Variants in ATXN1 observed in about 807,000 individuals in gnomAD.
ATXN1 encodes the protein ataxin-1.
In ATXN1, 8 loss-of-function variants were observed where a neutral mutation model predicts 56.4. The ratio of observed to expected loss-of-function variants is 0.14; its 90% CI spans 0.08 to 0.26. ATXN1 has a LOEUF of 0.26. Ranked by LOEUF, ATXN1 falls within the 10% of genes least tolerant of loss-of-function variation. The pLI is 1.00. For synonymous variants in ATXN1, 514 were observed against 494.6 expected, an observed-to-expected ratio of 1.04 and a Z score of -0.52; for missense variants, 987 against 1,106.5, an observed-to-expected ratio of 0.89 and a Z score of 1.53.
At chr6:16,695,438 T>C (rs1304332198) in intron 2 of ATXN1, among the ~76,000 whole-genome samples, 1 of 152,172 alleles carries the variant, frequency 6.6e-6, no homozygotes, top group Non-Finnish European at 1.5e-5. Context: ...TCCAGATGAC[T>C]ACCTCTGTTT....
intron 7 of ATXN1, among the ~76,000 whole-genome samples, chr6:16,314,050 G>A (rs570728993): frequency 1.9e-4 from 29 of 152,286 alleles, no homozygotes; most frequent in Admixed American, 3.9e-4. Context: ...AGGTGGGAGC[G>A]GAAGATTATT....
chr6:16,580,621 C>T (rs1042509950), intron 4 of ATXN1, among the ~76,000 whole-genome samples: 1 of 152,152 alleles, frequency 6.6e-6, no homozygotes, highest in African/African-American at 2.4e-5. Context: ...GTTATTACAA[C>T]TATGTGAATG....
intron 6 of ATXN1, among the ~76,000 whole-genome samples, chr6:16,344,235 CCTCCAAGG>C (rs1410676948): frequency 6.6e-6 from 1 of 152,228 alleles, no homozygotes; most frequent in African/African-American, 2.4e-5. Flanking sequence ...CCTCGACTAT[CCTCCAAGG>C]CTCCAATTAG....
chr6:16,674,607 T>G (rs1358534616), intron 2 of ATXN1, among the ~76,000 whole-genome samples: 1 of 151,762 alleles, frequency 6.6e-6, no homozygotes, highest in Non-Finnish European at 1.5e-5. Flanking sequence ...TCTGCCCACC[T>G]TGGCCTCCGA....
chr6:16,391,424 C>T (rs1758353882), intron 6 of ATXN1, among the ~76,000 whole-genome samples: 1 of 152,086 alleles, frequency 6.6e-6, no homozygotes. Context: ...TCTAATGGCC[C>T]TGGATTTTCT....
intron 6 of ATXN1, among the ~76,000 whole-genome samples, chr6:16,403,121 G>A (rs1468227492): frequency 6.6e-6 from 1 of 152,074 alleles, no homozygotes; most frequent in African/African-American, 2.4e-5. Context: ...CGTCACACAT[G>A]CACACACATG....
chr6:16,543,652 A>AG (rs1554114384), intron 4 of ATXN1, among the ~76,000 whole-genome samples: 13 of 143,656 alleles, frequency 9.0e-5, no homozygotes, highest in Middle Eastern at 3.6e-3. Context: ...AAAAAAAAAA[A>AG]AGAGAGAGAG....
At chr6:16,387,681 C>T (rs1237686574) in intron 6 of ATXN1, among the ~76,000 whole-genome samples, 4 of 152,224 alleles carry the variant, frequency 2.6e-5, no homozygotes, top group Non-Finnish European at 4.4e-5. Context: ...CGTTATGAAA[C>T]ACTGCAACTT....
intron 7 of ATXN1, among the ~76,000 whole-genome samples, chr6:16,312,552 TAA>T (rs1760416336): frequency 6.6e-6 from 1 of 152,058 alleles, no homozygotes; most frequent in Admixed American, 6.6e-5. Context: ...TATATATTGT[TAA>T]AGACTGATAG....
At chr6:16,692,494 T>C (rs1020048037) in intron 2 of ATXN1, among the ~76,000 whole-genome samples, 2 of 152,224 alleles carry the variant, frequency 1.3e-5, no homozygotes, top group African/African-American at 2.4e-5. Flanking sequence ...AATCAAAAGA[T>C]TTGTCTATTT....
chr6:16,464,747 A>T (rs1197916492), intron 6 of ATXN1, among the ~76,000 whole-genome samples: 1 of 28,890 alleles, frequency 3.5e-5, no homozygotes, highest in Non-Finnish European at 7.3e-5. Flanking sequence ...CAGGGATAGT[A>T]AAAAAAAAAA....
chr6:16,692,113 G>A (rs114916711), intron 2 of ATXN1, among the ~76,000 whole-genome samples: 4,149 of 152,200 alleles, frequency 0.027, 80 homozygotes, highest in South Asian at 0.073. Context: ...AAAATACACC[G>A]GGCGTGGTGG....
chr6:16,485,025 A>T (rs1368771589), intron 6 of ATXN1: 1 of 151,796 alleles, frequency 6.6e-6, no homozygotes. Context: ...AAGAGTATAC[A>T]TATATATTAC....
chr6:16,748,761 T>C (rs1760618526), intron 2 of ATXN1, among the ~76,000 whole-genome samples: 1 of 152,170 alleles, frequency 6.6e-6, no homozygotes, highest in African/African-American at 2.4e-5. Flanking sequence ...TTAACCTTCT[T>C]GTCTTTGATG....
chr6:16,419,688 G>T (rs1333435960), intron 6 of ATXN1, among the ~76,000 whole-genome samples: 1 of 152,112 alleles, frequency 6.6e-6, no homozygotes. Flanking sequence ...GGCCTTGAGG[G>T]TACCAGTGTA....
At chr6:16,395,270 C>CAAAAAA (rs748314030) in intron 6 of ATXN1, among the ~76,000 whole-genome samples, 45 of 48,036 alleles carry the variant, frequency 9.4e-4, no homozygotes, top group African/African-American at 1.5e-3. Flanking sequence ...AACTCCGTCT[C>CAAAAAA]AAAAAAAAAA....
chr6:16,643,078 TC>T (rs1301320696), intron 3 of ATXN1, among the ~76,000 whole-genome samples: 1 of 152,046 alleles, frequency 6.6e-6, no homozygotes, highest in Non-Finnish European at 1.5e-5. Flanking sequence ...GAGACCAGCC[TC>T]ACCAATATGG....
intron 6 of ATXN1, among the ~76,000 whole-genome samples, chr6:16,467,565 T>C (rs1760132701): frequency 1.3e-5 from 2 of 152,230 alleles, no homozygotes; most frequent in African/African-American, 4.8e-5. Context: ...AAAGACTCTA[T>C]CTACCATCTT....
At chr6:16,420,035 G>A (rs1474659807) in intron 6 of ATXN1, among the ~76,000 whole-genome samples, 1 of 152,178 alleles carries the variant, frequency 6.6e-6, no homozygotes, top group East Asian at 1.9e-4. Context: ...TTTATACAAG[G>A]ACACATGAAC....
Sources: allele counts gnomAD v4.1 joint callset (sites outside exome capture counted in the v4.1 genomes callset), GRCh38; gene constraint gnomAD v4.1.1; transcripts MANE v1.5; gene names NCBI Gene and HGNC (gene_info 2026-07-23, HGNC 2026-07-21).